DDX60: variants seen among roughly 807,000 people sequenced by gnomAD.
DDX60 encodes DExD/H-box helicase 60.
In DDX60, 165 loss-of-function variants were observed where a neutral mutation model predicts 212.8. That is an observed-to-expected ratio of 0.78 (90% CI 0.68 to 0.88). The LOEUF is 0.88. Ranked by LOEUF, DDX60 falls within the 40% of genes least tolerant of loss-of-function variation. The pLI is 0.00. For missense variants in DDX60, 1,905 were observed against 2,003.9 expected (o/e 0.95, Z 0.94); for synonymous variants, 703 against 685.3 (o/e 1.03, Z -0.40).
intron 1 of DDX60, among the ~76,000 whole-genome samples, chr4:168,316,920 T>C (rs927402346): frequency 6.6e-6 from 1 of 151,876 alleles, no homozygotes; most frequent in African/African-American, 2.4e-5. Flanking sequence ...TAGCTGGGCA[T>C]GGTGACAGTC....
intron 13 of DDX60, among the ~76,000 whole-genome samples, chr4:168,282,714 C>A (rs181090284): frequency 1.8e-4 from 28 of 152,158 alleles, no homozygotes; most frequent in African/African-American, 6.5e-4. Flanking sequence ...AAGATGGAAA[C>A]CATTTATGAC....
chr4:168,224,263 G>A lies in DDX60; in HGVS notation c.4804C>T (p.Arg1602Ter), dbSNP rs888417416. ...LSGNFDDDLL[R>*]LETPNHVTLG... ...CTTACATGGTTTGGAGTTTCTAGTC[G>A]AAGCAAATCATCATCAAAGTTCCCA... Residue 1602 changes from arginine (R) to a stop codon, truncating the protein, a stop_gained, in exon 35 of 38, where the codon CGA (arginine) becomes TGA (stop). Transcript: ENST00000393743. LOFTEE classifies it high-confidence loss of function. 1.9e-5 allele frequency: 31 copies of A among 1,612,032 alleles called. No homozygotes were observed. Among genetic ancestry groups the A allele is most frequent in the Admixed American group, 1.8e-4 (11 of 59,798 alleles).
At position 168,252,560 on chromosome 4, in the gene DDX60, C is replaced by T; in HGVS notation, c.3654G>A (p.Leu1218=). 6.2e-7 allele frequency: 1 copy of T among 1,613,926 alleles called. No homozygotes were observed. The highest frequency in any genetic ancestry group is 8.5e-7 in the Non-Finnish European group (1 of 1,179,926). ...CATATGTGCAGTCCTGTGGGATTTC[C>T]AGGTTCTTCTCTAGACACTTCACTA... The part of the protein sequence containing the change: ...DNLVKCLEKN[L]EIPQDCTYAD... The change falls in exon 27 of 38, where the codon CTG becomes CTA. Residue 1218 remains leucine, a synonymous_variant. Transcript: ENST00000393743.
At chr4:168,241,188 A>G (rs539716522) in intron 30 of DDX60, among the ~76,000 whole-genome samples, 1 of 152,334 alleles carries the variant, frequency 6.6e-6, no homozygotes, top group East Asian at 1.9e-4. Flanking sequence ...GTGGAACTGT[A>G]AGTCCATTAA....
intron 35 of DDX60, 92 bp downstream of exon 35, chr4:168,224,150 CT>C (rs1733163647): frequency 1.4e-6 from 2 of 1,411,272 alleles, no homozygotes; most frequent in African/African-American, 2.9e-5. Flanking sequence ...CCTTTTTAAG[CT>C]GGGAAATTCG....
rs144124319 is a variant in DDX60 at position 168,260,929 on chromosome 4, T to C, written c.3334A>G (p.Thr1112Ala). The change falls in exon 25 of 38, where the codon ACC becomes GCC. Residue 1112 changes from threonine (T) to alanine (A), a missense_variant. Transcript: ENST00000393743. ...TTTTCAACTAGAAGTGGAAACATGG[T>C]GATCATGTTTTCTGGACTCAAATCT... ...EADLSPENMITMFPLLVEKLR... is the reference protein window; with the variant it reads ...EADLSPENMIAMFPLLVEKLR... 37 of 1,612,884 alleles carry C rather than the reference T, an allele frequency of 2.3e-5. No homozygotes were observed. The African/African-American group carries it at 4.3e-4, about 19-fold the overall frequency.
chr4:168,220,272 C>T (rs540043108), intron 37 of DDX60, among the ~76,000 whole-genome samples: 43 of 152,130 alleles, frequency 2.8e-4, no homozygotes, highest in African/African-American at 8.9e-4. Flanking sequence ...AACTAGAGAC[C>T]GGATGGAACC....
At chr4:168,277,451 T>A (rs1735390271) in intron 14 of DDX60, among the ~76,000 whole-genome samples, 3 of 152,184 alleles carry the variant, frequency 2.0e-5, no homozygotes, top group Admixed American at 1.3e-4. Flanking sequence ...TGGGACCCTC[T>A]CTGAGATTTC....
intron 27 of DDX60, among the ~76,000 whole-genome samples, chr4:168,251,415 G>A (rs1194079381): frequency 6.6e-6 from 1 of 152,190 alleles, no homozygotes; most frequent in Non-Finnish European, 1.5e-5. Context: ...GATATCAGTT[G>A]GCTATTGGAG....
Position 168,280,428 on chromosome 4 carries a change from A to G in DDX60, c.1885T>C (p.Ser629Pro), listed in dbSNP as rs1579042800. 2 of 1,614,192 alleles carry G rather than the reference A, an allele frequency of 1.2e-6. No homozygotes were observed. Among genetic ancestry groups the G allele is most frequent in the East Asian group, 4.5e-5 (2 of 44,878 alleles). ...AGTTTCACACAGCTACTTTTACAGG[A>G]TTTCAAAAAATCTTCCAGGCTCTTT... ...GIKSLEDFLK[S>P]CKSSCVKLQV... The change falls in exon 14 of 38, where the codon TCC becomes CCC. Residue 629 changes from serine (S) to proline (P), a missense_variant. By Grantham distance (74) the Ser-to-Pro change is moderately conservative. Transcript: ENST00000393743.
chr4:168,241,056 T>C (rs948493148), intron 30 of DDX60, among the ~76,000 whole-genome samples: 49 of 152,338 alleles, frequency 3.2e-4, no homozygotes, highest in African/African-American at 1.1e-3. Flanking sequence ...TGAAATCTGA[T>C]GGTTTTAAAA....
rs1456289683 is a variant in DDX60, at chr4:168,238,451, AG to A, written c.4165-657del. ...AGGGAAGGGAAGGGAAGGGAAGGGA[AG>A]GGAAGGGAAGGGAAGGGAAGGGAAG... On this transcript the variant is annotated intron_variant, in intron 30 of 37. Transcript: ENST00000393743. Among the ~76,000 whole-genome samples the A allele has an allele frequency of 9.4e-5, 10 of 106,376 alleles. No individual in the cohort carries two copies. In the South Asian group the frequency reaches 1.1e-3, roughly 12 times the overall value. 69.8% of individuals were successfully genotyped at this position (106,376 alleles called of 152,430 possible).
At chr4:168,317,343 A>G (rs1737439556) in intron 1 of DDX60, among the ~76,000 whole-genome samples, 1 of 152,174 alleles carries the variant, frequency 6.6e-6, no homozygotes. Flanking sequence ...CTCCAATCAC[A>G]GTAGTGTCAG....
At chr4:168,255,350 G>A (rs1560830668) in intron 26 of DDX60, among the ~76,000 whole-genome samples, 1 of 152,308 alleles carries the variant, frequency 6.6e-6, no homozygotes, top group South Asian at 2.1e-4. Context: ...CAAAGACAAA[G>A]TGTGTAGTCT....
chr4:168,271,243 C>T (rs1354857978), intron 19 of DDX60, among the ~76,000 whole-genome samples: 2 of 152,146 alleles, frequency 1.3e-5, no homozygotes, highest in African/African-American at 4.8e-5. Context: ...CCCAATAAAT[C>T]GCTACAAATC....
intron 25 of DDX60, among the ~76,000 whole-genome samples, chr4:168,256,100 C>A (rs1451463295): frequency 6.8e-6 from 1 of 146,268 alleles, no homozygotes; most frequent in African/African-American, 2.5e-5. Context: ...CCCACTCCCC[C>A]CCACCCCACC....
In DDX60 at chr4:168,288,156, A is replaced by G; in HGVS notation, c.1183+18T>C. The stretch of plus-strand genomic sequence containing the variant: ...TATCTGTGGATGGAAGTATGATTAT[A>G]ATATACTGAGATGGTACCTTTTACA... On this transcript the variant is annotated intron_variant, in intron 9 of 37. Coordinates refer to ENST00000393743, the MANE Select transcript of DDX60 (RefSeq NM_017631.6). 7.1e-7 allele frequency: 1 copy of G among 1,408,406 alleles called. No individual in the cohort carries two copies. The highest frequency in any genetic ancestry group is 9.6e-7 in the Non-Finnish European group (1 of 1,041,526). 87.2% of individuals were successfully genotyped at this position (1,408,406 alleles called of 1,614,324 possible).
chr4:168,257,559 A>G (rs1470435996), intron 25 of DDX60, among the ~76,000 whole-genome samples: 3 of 152,160 alleles, frequency 2.0e-5, no homozygotes, highest in Non-Finnish European at 4.4e-5. Flanking sequence ...CTCTTTTTAC[A>G]TTAATGCAAG....
Position 168,280,360 on chromosome 4 carries a change from C to T in DDX60, c.1953G>A (p.Trp651Ter). ...MVGLTACLKAWKEHCRSEEGK... is the reference protein window; with the variant it reads ...MVGLTACLKA ...CTTCTTCACTTCGGCAATGTTCTTT[C>T]CAGGCTTTCAAGCAAGCAGTTAACC... is the stretch of plus-strand genomic sequence containing the variant. The change falls in exon 14 of 38, where the codon TGG (tryptophan) becomes TGA (stop). Residue 651 changes from tryptophan (W) to a stop codon, truncating the protein, a stop_gained. Transcript: ENST00000393743. LOFTEE classifies it high-confidence loss of function. 6.2e-7 allele frequency: 1 copy of T among 1,613,128 alleles called. No individual in the cohort carries two copies. Among genetic ancestry groups the T allele is most frequent in the East Asian group, 2.2e-5 (1 of 44,854 alleles).
Sources: allele counts gnomAD v4.1 joint callset (sites outside exome capture counted in the v4.1 genomes callset), GRCh38; gene constraint gnomAD v4.1.1; transcripts MANE v1.5; gene names NCBI Gene and HGNC (gene_info 2026-07-23, HGNC 2026-07-21).